KIAA1217: variants seen among roughly 807,000 people sequenced by gnomAD.
KIAA1217 encodes the protein KIAA1217, also known as sickle tail protein homolog.
A neutral mutation model predicts 163.9 loss-of-function variants in KIAA1217; 88 were observed. The ratio of observed to expected loss-of-function variants is 0.54; its 90% CI spans 0.45 to 0.64. The LOEUF is 0.64. Among genes scored for constraint, KIAA1217 ranks in the 30% least tolerant of loss-of-function variants. KIAA1217 has a pLI of 0.00. For synonymous variants in KIAA1217, 903 were observed against 923.1 expected (o/e 0.98, Z 0.39); for missense variants, 2,372 against 2,475.0 (o/e 0.96, Z 0.88).
intron 2 of KIAA1217, among the ~76,000 whole-genome samples, chr10:24,165,822 A>G (rs1398717702): frequency 2.0e-5 from 3 of 152,212 alleles, no homozygotes; most frequent in African/African-American, 7.2e-5. Flanking sequence ...TCTCCTAACT[A>G]GAGCAGAAAA....
At chr10:24,204,461 ATTGT>A (rs1365835438), upstream of KIAA1217, among the ~76,000 whole-genome samples, 2 of 152,126 alleles carry the variant, frequency 1.3e-5, no homozygotes, top group Non-Finnish European at 2.9e-5. Context: ...TGCTCTAATT[ATTGT>A]TTAAGATTAA....
chr10:24,076,989 G>C (rs1192842914), intron 2 of KIAA1217, among the ~76,000 whole-genome samples: 3 of 150,708 alleles, frequency 2.0e-5, no homozygotes, highest in Non-Finnish European at 2.9e-5. Context: ...CAGTTCTCCT[G>C]CCTCAGCCTC....
chr10:24,252,539 C>T (rs1430954281), intron 2 of KIAA1217, among the ~76,000 whole-genome samples: 1 of 152,146 alleles, frequency 6.6e-6, no homozygotes, highest in Admixed American at 6.5e-5. Context: ...CTGATTGCGC[C>T]ACTGTGCCAC....
intron 2 of KIAA1217, among the ~76,000 whole-genome samples, chr10:24,327,136 T>G (rs1407656095): frequency 6.6e-6 from 1 of 152,260 alleles, no homozygotes; most frequent in African/African-American, 2.4e-5. Context: ...GCTGCAGTCT[T>G]CTAAATTGGT....
intron 1 of KIAA1217, among the ~76,000 whole-genome samples, chr10:23,876,101 A>T (rs544138406): frequency 0.014 from 1,982 of 146,706 alleles, 61 homozygotes; most frequent in African/African-American, 0.048. Context: ...AGTATAATTA[A>T]AAAAAAAAAA....
At chr10:23,940,198 GC>G (rs1394242360) in intron 1 of KIAA1217, among the ~76,000 whole-genome samples, 2 of 151,640 alleles carry the variant, frequency 1.3e-5, no homozygotes, top group African/African-American at 2.4e-5. Context: ...AGTGGCTCAC[GC>G]CTGTAATCCC....
In KIAA1217 at chr10:24,284,931, C is replaced by T. The variant is rs140365538; in HGVS notation, c.354+65022C>T. ...TTTTGGCTTTTTAGTAATAACCATT[C>T]TGACTGGTGTGAGATGGTTTCTCAT... On this transcript the variant is annotated intron_variant, in intron 2 of 20. Coordinates refer to ENST00000376454, the MANE Select transcript of KIAA1217 (RefSeq NM_019590.5). 3.4e-3 allele frequency among the ~76,000 whole-genome samples: 512 copies of T among 152,284 alleles called. 2 individuals are homozygous for T. Among genetic ancestry groups the T allele is most frequent in the Non-Finnish European group, 4.7e-3 (319 of 68,020 alleles).
chr10:23,987,609 GTGTGTGTGTGTGTGTA>G (rs1371087146), intron 1 of KIAA1217, among the ~76,000 whole-genome samples: 4 of 103,370 alleles, frequency 3.9e-5, no homozygotes, highest in African/African-American at 2.4e-4. Flanking sequence ...TTATTTGTGT[GTGTGTGTGTGTGTGTA>G]TGTGTACGTG....
intron 2 of KIAA1217, among the ~76,000 whole-genome samples, chr10:24,267,484 A>T (rs2076344635): frequency 6.6e-6 from 1 of 152,124 alleles, no homozygotes; most frequent in South Asian, 2.1e-4. Context: ...CTACATCTAT[A>T]CCTATATCTG....
At chr10:23,858,929 T>G (rs1839831663) in intron 1 of KIAA1217, among the ~76,000 whole-genome samples, 1 of 152,200 alleles carries the variant, frequency 6.6e-6, no homozygotes, top group East Asian at 1.9e-4. Flanking sequence ...AGCTACCACT[T>G]CTCTTTCCTC....
At chr10:24,153,196 A>C (rs1303952870) in intron 2 of KIAA1217, among the ~76,000 whole-genome samples, 2 of 152,200 alleles carry the variant, frequency 1.3e-5, no homozygotes, top group African/African-American at 2.4e-5. Context: ...TCTTGGAAGC[A>C]AATAACTCTT....
intron 1 of KIAA1217, among the ~76,000 whole-genome samples, chr10:23,849,412 GATCTGTGT>G (rs1839197062): frequency 6.6e-6 from 1 of 152,042 alleles, no homozygotes; most frequent in Non-Finnish European, 1.5e-5. Flanking sequence ...AAGGACCCTA[GATCTGTGT>G]TGAAATAAGG....
intron 1 of KIAA1217, among the ~76,000 whole-genome samples, chr10:23,787,957 TG>T (rs1382759868): frequency 2.6e-5 from 4 of 152,146 alleles, no homozygotes; most frequent in South Asian, 4.2e-4. Context: ...GATTTTGAGA[TG>T]TTCAAGTGGG....
At chr10:24,109,194 G>C (rs1295518887) in intron 2 of KIAA1217, among the ~76,000 whole-genome samples, 1 of 152,138 alleles carries the variant, frequency 6.6e-6, no homozygotes, top group East Asian at 1.9e-4. Flanking sequence ...CAGAGAGATG[G>C]ATCAACACCA....
chr10:23,923,000 A>G (rs928203009), intron 1 of KIAA1217, among the ~76,000 whole-genome samples: 1 of 152,136 alleles, frequency 6.6e-6, no homozygotes, highest in Non-Finnish European at 1.5e-5. Context: ...TTACATGGAT[A>G]AGTTCTTTAG....
chr10:24,027,107 T>A (rs1301830209), intron 2 of KIAA1217, among the ~76,000 whole-genome samples: 2 of 152,112 alleles, frequency 1.3e-5, no homozygotes, highest in African/African-American at 4.8e-5. Flanking sequence ...TCTGTTGTTA[T>A]CAGAGAAAAT....
At chr10:23,703,067 C>G (rs1176303617) in intron 1 of KIAA1217, among the ~76,000 whole-genome samples, 5 of 152,064 alleles carry the variant, frequency 3.3e-5, no homozygotes, top group Non-Finnish European at 7.4e-5. Flanking sequence ...CAGCCCTCCC[C>G]CTAGTGGCGA....
intron 3 of KIAA1217, among the ~76,000 whole-genome samples, chr10:24,426,087 T>C (rs1219139275): frequency 6.6e-6 from 1 of 152,218 alleles, no homozygotes; most frequent in Non-Finnish European, 1.5e-5. Flanking sequence ...TTGGAGAAAC[T>C]GAGGCATTTA....
chr10:24,461,031 C>T (rs969760620), intron 5 of KIAA1217, among the ~76,000 whole-genome samples: 3 of 152,132 alleles, frequency 2.0e-5, no homozygotes, highest in African/African-American at 7.2e-5. Flanking sequence ...TGACAGACCA[C>T]GAATAAATGG....
Sources: allele counts gnomAD v4.1 joint callset (sites outside exome capture counted in the v4.1 genomes callset), GRCh38; gene constraint gnomAD v4.1.1; transcripts MANE v1.5; gene names NCBI Gene and HGNC (gene_info 2026-07-23, HGNC 2026-07-21).